The following TSHZ2 variants were observed in gnomAD, a reference collection of about 807,000 sequenced individuals.
The protein encoded by TSHZ2 is teashirt zinc finger homeobox 2.
A neutral mutation model predicts 74.4 loss-of-function variants in TSHZ2; 21 were observed. The observed-to-expected ratio is 0.28, with a 90% CI of 0.20 to 0.41. TSHZ2 has a LOEUF of 0.41. TSHZ2 is among the 10% of genes least tolerant of loss of function. The pLI is 1.00. For synonymous variants in TSHZ2, 540 were observed against 515.3 expected, an observed-to-expected ratio of 1.05 and a Z score of -0.65; for missense variants, 1,244 against 1,293.5, an observed-to-expected ratio of 0.96 and a Z score of 0.59.
At chr20:53,260,063 T>A (rs1990570518) in intron 2 of TSHZ2, among the ~76,000 whole-genome samples, 1 of 142,960 alleles carries the variant, frequency 7.0e-6, no homozygotes. Context: ...TCCTTCCTTT[T>A]TTCTTCTTTC....
At chr20:53,085,367 AAAG>A (rs1214125814) in intron 1 of TSHZ2, among the ~76,000 whole-genome samples, 1 of 152,000 alleles carries the variant, frequency 6.6e-6, no homozygotes, top group East Asian at 1.9e-4. Flanking sequence ...TCCATCTCAA[AAAG>A]AAAGAGAGAG....
Position 53,106,391 on chromosome 20 carries a change from C to CTTTTTTTTTTT in TSHZ2, c.40+133079_40+133089dup, listed in dbSNP as rs71194458. On this transcript the variant is annotated intron_variant, in intron 1 of 2. Transcript: ENST00000371497. The stretch of plus-strand genomic sequence containing the variant: ...TTCCTCTAGGGCCTTCTCACACTTT[C>CTTTTTTTTTTT]TTTTTTTTTTTTTTTTTTTTTTTTT... 2.0e-3 allele frequency among the ~76,000 whole-genome samples: 117 copies of CTTTTTTTTTTT among 58,978 alleles called. 30 individuals are homozygous for CTTTTTTTTTTT. The highest frequency in any genetic ancestry group is 5.5e-3 in the African/African-American group (79 of 14,282). The allele number at this position is 58,978 out of a possible 152,430, so 38.7% of individuals were successfully genotyped here.
intron 1 of TSHZ2, among the ~76,000 whole-genome samples, chr20:53,244,601 T>A (rs369094493): frequency 6.6e-6 from 1 of 152,324 alleles, no homozygotes; most frequent in African/African-American, 2.4e-5. Context: ...AATAATAATA[T>A]ACGCTGGACT....
rs6097420 is a variant in TSHZ2 at position 53,442,634 on chromosome 20, C to T, written c.*9-44510C>T. On this transcript the variant is annotated intron_variant, in intron 2 of 2. Transcript: ENST00000371497. ...GAGAGATCGCTCATCGCTCTGTGAT[C>T]TCAGACTCTTAGCCATGCAAATCTC... Among the ~76,000 whole-genome samples the T allele has an allele frequency of 5.1e-3, 775 of 152,316 alleles. 10 individuals carry two copies. Among genetic ancestry groups the T allele is most frequent in the African/African-American group, 0.018 (733 of 41,566 alleles).
intron 2 of TSHZ2, among the ~76,000 whole-genome samples, chr20:53,460,503 G>T (rs560884319): frequency 6.6e-6 from 1 of 152,068 alleles, no homozygotes; most frequent in East Asian, 1.9e-4. Context: ...ATGTCCTCCC[G>T]TAGCTCAGAG....
At chr20:53,416,804 A>G (rs1983269699) in intron 2 of TSHZ2, among the ~76,000 whole-genome samples, 1 of 152,198 alleles carries the variant, frequency 6.6e-6, no homozygotes, top group Non-Finnish European at 1.5e-5. Context: ...TAATCCATTG[A>G]TTCTGTTTTG....
rs557301945 is a variant in TSHZ2 at position 53,311,663 on chromosome 20, C to A, written c.*8+55092C>A. 2.0e-5 allele frequency among the ~76,000 whole-genome samples: 3 copies of A among 152,326 alleles called. No homozygotes were observed. The East Asian group carries it at 5.8e-4, about 29-fold the overall frequency. ...AGAAAACAACTTGGCCACATGTGTCCTGCTTGTCCAAGATGGCATTTTCCT... is the reference window on the plus strand; with the variant it reads ...AGAAAACAACTTGGCCACATGTGTCATGCTTGTCCAAGATGGCATTTTCCT... On this transcript the variant is annotated intron_variant, in intron 2 of 2. Coordinates refer to ENST00000371497, the MANE Select transcript of TSHZ2 (RefSeq NM_173485.6).
At chr20:53,152,077 C>T (rs1293412) in intron 1 of TSHZ2, among the ~76,000 whole-genome samples, 70,148 of 152,028 alleles carry the variant, frequency 0.46, 18,154 homozygotes, top group African/African-American at 0.71. Context: ...GCCAGAGCCA[C>T]GCAGGTACCA....
chr20:53,449,358 G>C (rs978724180), intron 2 of TSHZ2, among the ~76,000 whole-genome samples: 19 of 152,254 alleles, frequency 1.2e-4, no homozygotes, highest in South Asian at 1.0e-3. Flanking sequence ...CAAGTAGTAA[G>C]CACACAATAA....
intron 2 of TSHZ2, among the ~76,000 whole-genome samples, chr20:53,260,073 C>CCTTCCTTCTTTT (rs1990571353): frequency 1.1e-5 from 1 of 95,084 alleles, no homozygotes; most frequent in Non-Finnish European, 2.1e-5. Flanking sequence ...TTTCTTCTTT[C>CCTTCCTTCTTTT]CTTCCTTCTT....
At chr20:53,281,755 G>A (rs894550891) in intron 2 of TSHZ2, among the ~76,000 whole-genome samples, 1 of 152,194 alleles carries the variant, frequency 6.6e-6, no homozygotes, top group Non-Finnish European at 1.5e-5. Context: ...GGGAAGGAAA[G>A]AAAGCCAAGC....
chr20:53,197,576 C>A (rs1600735958), intron 1 of TSHZ2, among the ~76,000 whole-genome samples: 2 of 152,178 alleles, frequency 1.3e-5, no homozygotes, highest in South Asian at 2.1e-4. Context: ...ATTTTCCCAA[C>A]CTTCAGTTGC....
chr20:53,127,783 G>A (rs907193200), intron 1 of TSHZ2, among the ~76,000 whole-genome samples: 10 of 152,182 alleles, frequency 6.6e-5, no homozygotes, highest in Non-Finnish European at 1.5e-4. Context: ...AAGAAAGTGA[G>A]ACTCAGAGAG....
intron 1 of TSHZ2, among the ~76,000 whole-genome samples, chr20:53,210,783 A>AT (rs1989284973): frequency 6.6e-6 from 1 of 151,972 alleles, no homozygotes; most frequent in African/African-American, 2.4e-5. Context: ...TCCTGTCCAT[A>AT]TCAATAAGAC....
intron 2 of TSHZ2, among the ~76,000 whole-genome samples, chr20:53,288,143 G>A (rs1991203483): frequency 6.6e-6 from 1 of 152,090 alleles, no homozygotes; most frequent in South Asian, 2.1e-4. Flanking sequence ...GCTCACACCT[G>A]TAATCCCTCC....
intron 1 of TSHZ2, among the ~76,000 whole-genome samples, chr20:52,999,710 A>G (rs1982343363): frequency 6.6e-6 from 1 of 152,206 alleles, no homozygotes; most frequent in Non-Finnish European, 1.5e-5. Flanking sequence ...GAGCTTTCAA[A>G]AAAAAGTCAT....
intron 1 of TSHZ2, among the ~76,000 whole-genome samples, chr20:53,166,791 A>T (rs1416673143): frequency 1.3e-5 from 2 of 152,146 alleles, no homozygotes; most frequent in Admixed American, 6.5e-5. Context: ...ATAATAAAAT[A>T]AAAAATCAAA....
chr20:53,383,128 C>T lies in TSHZ2; in HGVS notation c.*9-104016C>T, dbSNP rs147031593. Among the ~76,000 whole-genome samples the T allele has an allele frequency of 4.2e-3, 633 of 151,820 alleles. 3 individuals carry two copies. The highest frequency in any genetic ancestry group is 6.6e-3 in the Non-Finnish European group (446 of 67,922). On this transcript the variant is annotated intron_variant, in intron 2 of 2. Transcript: ENST00000371497. ...TACAAAAGAAATTAGCCGGGGGTGGCGGTGTGCACCTGTAGTCCCAGCTAC... is the reference window on the plus strand; with the variant it reads ...TACAAAAGAAATTAGCCGGGGGTGGTGGTGTGCACCTGTAGTCCCAGCTAC...
chr20:53,241,580 G>A (rs1046185103), intron 1 of TSHZ2, among the ~76,000 whole-genome samples: 1 of 152,016 alleles, frequency 6.6e-6, no homozygotes, highest in Non-Finnish European at 1.5e-5. Context: ...GCCAAAACTT[G>A]AAAAAGTATA....
Sources: gnomAD v4.1 joint callset for allele counts (sites outside exome capture counted in the v4.1 genomes callset) on GRCh38, gnomAD v4.1.1 for gene constraint, MANE v1.5 for transcripts, NCBI Gene and HGNC (gene_info 2026-07-23, HGNC 2026-07-21) for gene names.